TMPRSS15: variants seen among roughly 807,000 people sequenced by gnomAD.
TMPRSS15 encodes the protein transmembrane serine protease 15.
Under a neutral mutation model 125.3 loss-of-function variants are expected in TMPRSS15, and 128 were observed. The observed-to-expected ratio is 1.02, with a 90% CI of 0.89 to 1.18. TMPRSS15 has a LOEUF of 1.18. TMPRSS15 is among the 50% of genes most tolerant of loss of function. TMPRSS15 has a pLI of 0.00. For synonymous variants in TMPRSS15, 446 were observed against 423.2 expected, an observed-to-expected ratio of 1.05 and a Z score of -0.66; for missense variants, 1,283 against 1,212.7, an observed-to-expected ratio of 1.06 and a Z score of -0.86.
At chr21:18,445,788 G>A (rs1344563889) in intron 1 of TMPRSS15, among the ~76,000 whole-genome samples, 1 of 152,172 alleles carries the variant, frequency 6.6e-6, no homozygotes, top group Non-Finnish European at 1.5e-5. Flanking sequence ...CCAACAAACT[G>A]GAGGTAGAAG....
chr21:18,317,532 G>T (rs910861189), intron 16 of TMPRSS15, among the ~76,000 whole-genome samples: 1 of 152,102 alleles, frequency 6.6e-6, no homozygotes, highest in Non-Finnish European at 1.5e-5. Flanking sequence ...TTGCCTGAAA[G>T]AAGCAAGGTC....
chr21:18,352,785 A>G, intron 10 of TMPRSS15, 118 bp downstream of exon 10: 1 of 1,066,530 alleles, frequency 9.4e-7, no homozygotes, highest in South Asian at 1.4e-5. Context: ...TTTTTAAAAA[A>G]CCCAAAAAGA....
At chr21:18,307,358 G>A in intron 18 of TMPRSS15, among the ~76,000 whole-genome samples, 1 of 152,140 alleles carries the variant, frequency 6.6e-6, no homozygotes, top group East Asian at 1.9e-4. Context: ...CTGGTTAGAA[G>A]GACTACGATT....
At chr21:18,376,678 C>G (rs1365286097) in intron 5 of TMPRSS15, among the ~76,000 whole-genome samples, 1 of 152,082 alleles carries the variant, frequency 6.6e-6, no homozygotes, top group African/African-American at 2.4e-5. Flanking sequence ...ATCCCTCAAA[C>G]ACGGGAGCAA....
chr21:18,423,638 G>C (rs889488582), intron 1 of TMPRSS15, among the ~76,000 whole-genome samples: 5 of 150,506 alleles, frequency 3.3e-5, no homozygotes, highest in African/African-American at 4.9e-5. Context: ...AGATGGTCTC[G>C]ATCTCCTGAC....
intron 6 of TMPRSS15, among the ~76,000 whole-genome samples, chr21:18,370,505 C>T (rs1461248088): frequency 6.6e-6 from 1 of 152,132 alleles, no homozygotes; most frequent in Non-Finnish European, 1.5e-5. Flanking sequence ...CTCATGATGG[C>T]ACACTTGCAT....
chr21:18,345,740 C>CAAAAAAAGAAAA (rs2075500581), intron 10 of TMPRSS15, among the ~76,000 whole-genome samples: 1 of 15,556 alleles, frequency 6.4e-5, no homozygotes, highest in Non-Finnish European at 1.4e-4. Context: ...GACTCCGTCT[C>CAAAAAAAGAAAA]AAAAAAAAAA....
At chr21:18,398,009 A>G in intron 2 of TMPRSS15, 63 bp from the exon 3 acceptor site, 1 of 1,287,424 alleles carries the variant, frequency 7.8e-7, no homozygotes, top group South Asian at 1.3e-5. Context: ...TTGTTGAAAA[A>G]TTTATACAAA....
chr21:18,435,570 A>G (rs1355742035), intron 1 of TMPRSS15, among the ~76,000 whole-genome samples: 1 of 152,182 alleles, frequency 6.6e-6, no homozygotes, highest in Non-Finnish European at 1.5e-5. Flanking sequence ...AATGTTCATC[A>G]AGGATATTGG....
chr21:18,271,549 C>T (rs1488109987), intron 24 of TMPRSS15, among the ~76,000 whole-genome samples: 1 of 152,124 alleles, frequency 6.6e-6, no homozygotes, highest in Non-Finnish European at 1.5e-5. Context: ...CTAACTATAA[C>T]ACATCAGTTT....
intron 3 of TMPRSS15, among the ~76,000 whole-genome samples, chr21:18,390,403 C>T (rs2075980765): frequency 6.6e-6 from 1 of 152,178 alleles, no homozygotes; most frequent in Non-Finnish European, 1.5e-5. Context: ...ATGATAACCT[C>T]TAACATAATA....
At chr21:18,330,351 C>T (rs1016283009) in intron 14 of TMPRSS15, among the ~76,000 whole-genome samples, 2 of 152,180 alleles carry the variant, frequency 1.3e-5, no homozygotes, top group South Asian at 2.1e-4. Flanking sequence ...TCGTTTTTAT[C>T]GCCATTTTCC....
chr21:18,454,288 G>T (rs1160609723), intron 1 of TMPRSS15, among the ~76,000 whole-genome samples: 1 of 152,052 alleles, frequency 6.6e-6, no homozygotes, highest in Non-Finnish European at 1.5e-5. Flanking sequence ...GTACACTGAT[G>T]CGATGTTTCC....
intron 16 of TMPRSS15, among the ~76,000 whole-genome samples, chr21:18,320,504 A>T (rs1413904844): frequency 6.6e-6 from 1 of 152,330 alleles, no homozygotes; most frequent in African/African-American, 2.4e-5. Context: ...ATACGAGTTG[A>T]ATGGAAACAG....
chr21:18,348,098 T>C (rs540759145), intron 10 of TMPRSS15, among the ~76,000 whole-genome samples: 5 of 152,188 alleles, frequency 3.3e-5, no homozygotes, highest in Middle Eastern at 6.8e-3. Context: ...GGTGGGAGTA[T>C]CTCTTGAGCC....
At chr21:18,394,919 A>G (rs1249671697) in intron 3 of TMPRSS15, among the ~76,000 whole-genome samples, 1 of 152,200 alleles carries the variant, frequency 6.6e-6, no homozygotes, top group African/African-American at 2.4e-5. Flanking sequence ...TTGTCAATTC[A>G]TAGAAGAGTA....
At chr21:18,483,329 C>A (rs1442821043) in intron 1 of TMPRSS15, among the ~76,000 whole-genome samples, 1 of 151,740 alleles carries the variant, frequency 6.6e-6, no homozygotes, top group African/African-American at 2.4e-5. Flanking sequence ...CAGTTCGCTT[C>A]TCTACACCCT....
At chr21:18,273,014 C>T (rs958584121) in intron 24 of TMPRSS15, among the ~76,000 whole-genome samples, 2 of 152,104 alleles carry the variant, frequency 1.3e-5, no homozygotes, top group African/African-American at 4.8e-5. Flanking sequence ...TCTGATTCAG[C>T]AGATATGTGA....
At chr21:18,321,051 C>T (rs1046505593) in intron 16 of TMPRSS15, among the ~76,000 whole-genome samples, 1 of 152,112 alleles carries the variant, frequency 6.6e-6, no homozygotes, top group Non-Finnish European at 1.5e-5. Context: ...GGCTCAAACC[C>T]CCTAAATGTA....
Sources: allele counts gnomAD v4.1 joint callset (sites outside exome capture counted in the v4.1 genomes callset), GRCh38; gene constraint gnomAD v4.1.1; transcripts MANE v1.5; gene names NCBI Gene and HGNC (gene_info 2026-07-23, HGNC 2026-07-21).